MINDY4: variants seen among roughly 807,000 people sequenced by gnomAD.
The protein encoded by MINDY4 is MINDY lysine 48 deubiquitinase 4.
In MINDY4, 68 loss-of-function variants were observed where a neutral mutation model predicts 87.0. That is an observed-to-expected ratio of 0.78 (90% CI 0.64 to 0.96). The LOEUF (loss-of-function observed/expected upper bound fraction) is 0.96, where lower values mean the gene tolerates loss of function less well. MINDY4 is among the 40% of genes least tolerant of loss of function. The pLI is 0.00. For missense variants in MINDY4, 919 were observed against 928.2 expected (o/e 0.99, Z 0.13); for synonymous variants, 379 against 363.2 (o/e 1.04, Z -0.50).
intron 13 of MINDY4, among the ~76,000 whole-genome samples, chr7:30,869,379 T>G (rs1213612405): frequency 1.3e-5 from 2 of 152,226 alleles, no homozygotes; most frequent in East Asian, 3.9e-4. Flanking sequence ...GCCTGTAGTA[T>G]TGCATTTGAA....
intron 3 of MINDY4, among the ~76,000 whole-genome samples, chr7:30,785,254 CCT>C (rs1275574234): frequency 2.8e-4 from 35 of 123,364 alleles, no homozygotes; most frequent in African/African-American, 2.9e-4. Flanking sequence ...TCTCTTACTT[CCT>C]CTCTCTCTCT....
At chr7:30,826,030 T>C (rs1485547830) in intron 5 of MINDY4, among the ~76,000 whole-genome samples, 2 of 152,226 alleles carry the variant, frequency 1.3e-5, no homozygotes, top group African/African-American at 2.4e-5. Context: ...GTCTGCAAAG[T>C]AAATCACTCC....
intron 5 of MINDY4, among the ~76,000 whole-genome samples, chr7:30,811,158 A>G (rs567907669): frequency 1.3e-5 from 2 of 151,970 alleles, no homozygotes; most frequent in African/African-American, 4.8e-5. Flanking sequence ...CATTCAGCGG[A>G]AAAGGGATGG....
In MINDY4 at chr7:30,771,468, T is replaced by TCGTGGGCAGAGC. The variant is rs1554276431; in HGVS notation, c.-24_-13dup. ...CTGGTGCTGCGGCCCGGCGTGGGCC[T>TCGTGGGCAGAGC]CGTGGGCAGAGCCAGAGCCAGAGCC... On this transcript the variant is annotated 5_prime_UTR_variant, in exon 1 of 18. Coordinates refer to ENST00000265299, the MANE Select transcript of MINDY4 (RefSeq NM_032222.3). 6.3e-7 allele frequency: 1 copy of TCGTGGGCAGAGC among 1,594,874 alleles called. No homozygotes were observed. The highest frequency in any genetic ancestry group is 8.5e-7 in the Non-Finnish European group (1 of 1,172,256).
chr7:30,831,412 GT>G (rs1430115680), intron 6 of MINDY4, among the ~76,000 whole-genome samples: 1 of 152,158 alleles, frequency 6.6e-6, no homozygotes, highest in Non-Finnish European at 1.5e-5. Context: ...ATCATCCCTA[GT>G]CCATCATGGG....
rs370680867 is a variant in MINDY4, at chr7:30,811,223, G to A, written c.1074-17456G>A. 2.8e-4 allele frequency among the ~76,000 whole-genome samples: 42 copies of A among 151,940 alleles called. No individual in the cohort carries two copies. The South Asian group carries it at 8.3e-3, about 30-fold the overall frequency. ...AGTTAACAGTGTTACATGTATTATAGTAACTTATACTATAAGACAGACACC... is the reference window on the plus strand; with the variant it reads ...AGTTAACAGTGTTACATGTATTATAATAACTTATACTATAAGACAGACACC... On this transcript the variant is annotated intron_variant, in intron 5 of 17. Coordinates refer to ENST00000265299, the MANE Select transcript of MINDY4 (RefSeq NM_032222.3).
At chr7:30,815,434 C>A (rs754735794) in intron 5 of MINDY4, among the ~76,000 whole-genome samples, 1 of 152,214 alleles carries the variant, frequency 6.6e-6, no homozygotes, top group Non-Finnish European at 1.5e-5. Flanking sequence ...GGGCCAGGCA[C>A]CCCATCACAT....
intron 17 of MINDY4, among the ~76,000 whole-genome samples, chr7:30,884,360 G>T (rs1790567475): frequency 6.6e-6 from 1 of 152,206 alleles, no homozygotes; most frequent in Non-Finnish European, 1.5e-5. Context: ...TTCTTGCAGG[G>T]TCATGTGCTG....
intron 9 of MINDY4, among the ~76,000 whole-genome samples, chr7:30,846,812 T>C (rs1467753962): frequency 2.6e-5 from 4 of 152,168 alleles, no homozygotes; most frequent in Non-Finnish European, 2.9e-5. Flanking sequence ...ACATTTATCA[T>C]TAGATTCTCA....
Position 30,863,346 on chromosome 7 carries a change from C to T in MINDY4, c.1745+4022C>T, listed in dbSNP as rs374016835. Among the ~76,000 whole-genome samples, 13 of 152,180 alleles carry T rather than the reference C, an allele frequency of 8.5e-5. 1 individual carries two copies. The highest frequency in any genetic ancestry group is 3.9e-4 in the Admixed American group (6 of 15,296). The stretch of plus-strand genomic sequence containing the variant: ...AATACAGCATGTGTATGTGTACATT[C>T]GTGGTGGTGTGATAGTGTGTGTGCG... On this transcript the variant is annotated intron_variant, in intron 13 of 17. Coordinates refer to ENST00000265299, the MANE Select transcript of MINDY4 (RefSeq NM_032222.3).
At chr7:30,858,937 A>T in intron 12 of MINDY4, 1 of 591,264 alleles carries the variant, frequency 1.7e-6, no homozygotes, top group South Asian at 1.5e-5. Flanking sequence ...TCGGGGTGAT[A>T]ATGCCCATTA....
intron 17 of MINDY4, among the ~76,000 whole-genome samples, chr7:30,888,198 A>G (rs1790692268): frequency 6.6e-6 from 1 of 152,170 alleles, no homozygotes; most frequent in African/African-American, 2.4e-5. Flanking sequence ...ATTTTCCACC[A>G]TGAAGTGCCT....
chr7:30,782,108 C>CA lies in MINDY4; in HGVS notation c.318dup (p.Val107SerfsTer15). The CA allele has an allele frequency of 6.2e-6, 10 of 1,613,828 alleles. No individual in the cohort carries two copies. The highest frequency in any genetic ancestry group is 7.6e-6 in the Non-Finnish European group (9 of 1,179,972). On this transcript the variant is annotated frameshift_variant, in exon 3 of 18. Transcript: ENST00000265299. LOFTEE classifies it high-confidence loss of function. ...CACTCTCAGTTCCAAAGAAAAATAA[C>CA]AAAGTGCCATCAAGATGCTCAGAGA...
chr7:30,844,831 T>A (rs1268690143), intron 9 of MINDY4, among the ~76,000 whole-genome samples: 1 of 152,190 alleles, frequency 6.6e-6, no homozygotes, highest in African/African-American at 2.4e-5. Flanking sequence ...AGAGCATCAC[T>A]TTCTCCGTTT....
At chr7:30,882,443 C>A in intron 16 of MINDY4, 82 bp downstream of exon 16, 1 of 1,180,260 alleles carries the variant, frequency 8.5e-7, no homozygotes, top group East Asian at 2.7e-5. Flanking sequence ...CCTTCCTATC[C>A]ACCACCAACC....
intron 17 of MINDY4, among the ~76,000 whole-genome samples, chr7:30,887,670 G>A (rs1790671750): frequency 6.6e-6 from 1 of 152,222 alleles, no homozygotes; most frequent in Admixed American, 6.5e-5. Flanking sequence ...GGCCTGGTGG[G>A]GGTCGTGTTC....
At chr7:30,863,008 C>T (rs1212435157) in intron 13 of MINDY4, among the ~76,000 whole-genome samples, 1 of 152,136 alleles carries the variant, frequency 6.6e-6, no homozygotes, top group Non-Finnish European at 1.5e-5. Flanking sequence ...CCTCCCCAGC[C>T]TGCCAATCCA....
chr7:30,880,227 C>A (rs1790416094), intron 15 of MINDY4, among the ~76,000 whole-genome samples: 1 of 151,542 alleles, frequency 6.6e-6, no homozygotes, highest in Admixed American at 6.6e-5. Context: ...ATTAAGTAAT[C>A]CCTAATTGTG....
intron 6 of MINDY4, among the ~76,000 whole-genome samples, chr7:30,835,081 T>A (rs1788817725): frequency 1.3e-5 from 2 of 152,240 alleles, no homozygotes; most frequent in South Asian, 4.1e-4. Flanking sequence ...GGATATCTTT[T>A]CAGCAGCGCC....
Sources: allele counts gnomAD v4.1 joint callset (sites outside exome capture counted in the v4.1 genomes callset), GRCh38; gene constraint gnomAD v4.1.1; transcripts MANE v1.5; gene names NCBI Gene and HGNC (gene_info 2026-07-23, HGNC 2026-07-21).